COLEC11: variants seen among roughly 807,000 people sequenced by gnomAD.
The protein encoded by COLEC11 is collectin-11.
Under a neutral mutation model 27.3 loss-of-function variants are expected in COLEC11, and 20 were observed. The ratio of observed to expected loss-of-function variants is 0.73; its 90% confidence interval spans 0.51 to 1.06. The LOEUF is 1.06. Ranked by LOEUF, COLEC11 falls within the 50% of genes least tolerant of loss-of-function variation. COLEC11 has a pLI of 0.00. For synonymous variants in COLEC11, 163 were observed against 154.7 expected, an observed-to-expected ratio of 1.05 and a Z score of -0.40; for missense variants, 310 against 383.0, an observed-to-expected ratio of 0.81 and a Z score of 1.59.
At chr2:3,633,095 G>A (rs1665131772) in intron 3 of COLEC11, among the ~76,000 whole-genome samples, 1 of 152,234 alleles carries the variant, frequency 6.6e-6, no homozygotes, top group Admixed American at 6.5e-5. Flanking sequence ...CAGTGACAGG[G>A]AGAGAGAAGC....
intron 1 of COLEC11, chr2:3,604,044 G>A: frequency 3.5e-6 from 2 of 578,988 alleles, no homozygotes; most frequent in East Asian, 2.9e-5. Context: ...GAACTCCTTG[G>A]GGTGGGCGAG....
intron 3 of COLEC11, among the ~76,000 whole-genome samples, chr2:3,636,239 G>A (rs924998469): frequency 1.3e-4 from 20 of 152,116 alleles, no homozygotes; most frequent in African/African-American, 2.9e-4. Context: ...GATGGATCAC[G>A]CAGTCAGGAG....
At chr2:3,605,034 G>A (rs1421221439) in intron 2 of COLEC11, 3 of 470,914 alleles carry the variant, frequency 6.4e-6, no homozygotes, top group Non-Finnish European at 1.3e-5. Context: ...GTGAGGCATG[G>A]GTGAGAAAGT....
At chr2:3,612,646 G>A (rs757484501) in intron 2 of COLEC11, among the ~76,000 whole-genome samples, 18 of 152,164 alleles carry the variant, frequency 1.2e-4, no homozygotes, top group Non-Finnish European at 1.9e-4. Flanking sequence ...GAGTGGAGGT[G>A]TTGGTGTCCA....
chr2:3,605,205 C>A, intron 2 of COLEC11: 2 of 441,434 alleles, frequency 4.5e-6, no homozygotes, highest in South Asian at 3.3e-5. Flanking sequence ...CAAGAAGGGA[C>A]AGCAGAGTGT....
At chr2:3,599,204 G>A (rs1662056956) in intron 1 of COLEC11, among the ~76,000 whole-genome samples, 1 of 152,124 alleles carries the variant, frequency 6.6e-6, no homozygotes, top group African/African-American at 2.4e-5. Flanking sequence ...TCTGTGCAGT[G>A]TATGGGAGTT....
intron 1 of COLEC11, among the ~76,000 whole-genome samples, chr2:3,598,795 C>A (rs1371769228): frequency 1.3e-5 from 2 of 150,788 alleles, no homozygotes; most frequent in African/African-American, 2.5e-5. Flanking sequence ...GAGTGCCCAG[C>A]TGCGTGGCCT....
intron 3 of COLEC11, among the ~76,000 whole-genome samples, chr2:3,618,636 C>G (rs1253305256): frequency 6.6e-6 from 1 of 152,092 alleles, no homozygotes; most frequent in Non-Finnish European, 1.5e-5. Flanking sequence ...CTTTGTTTTT[C>G]TTGCTTAAGG....
chr2:3,641,922 G>A (rs1665897150), intron 5 of COLEC11, among the ~76,000 whole-genome samples: 1 of 152,212 alleles, frequency 6.6e-6, no homozygotes, highest in Admixed American at 6.5e-5. Flanking sequence ...TGCTGGGCAG[G>A]CCCAGGCTCC....
intron 1 of COLEC11, among the ~76,000 whole-genome samples, chr2:3,599,552 T>G (rs1201884635): frequency 6.6e-6 from 1 of 152,226 alleles, no homozygotes; most frequent in Non-Finnish European, 1.5e-5. Flanking sequence ...CCACACGCAT[T>G]AATTACCGCT....
intron 2 of COLEC11, among the ~76,000 whole-genome samples, chr2:3,606,963 A>G (rs1662754287): frequency 6.6e-6 from 1 of 152,226 alleles, no homozygotes; most frequent in Non-Finnish European, 1.5e-5. Context: ...AGAATCCACC[A>G]GGCAGGCTCA....
At chr2:3,617,945 G>T (rs1275455745) in intron 3 of COLEC11, among the ~76,000 whole-genome samples, 1 of 152,198 alleles carries the variant, frequency 6.6e-6, no homozygotes, top group Admixed American at 6.5e-5. Flanking sequence ...GATAATTGAT[G>T]ATGTTGACCA....
intron 3 of COLEC11, among the ~76,000 whole-genome samples, chr2:3,624,617 C>CACAGTTGCTCAGCTT (rs1173901688): frequency 6.6e-6 from 1 of 152,180 alleles, no homozygotes; most frequent in East Asian, 1.9e-4. Context: ...TTGCTCAGCT[C>CACAGTTGCTCAGCTT]ACAGTTGCTC....
chr2:3,603,571 C>G (rs1662398403), intron 1 of COLEC11: 6 of 1,424,334 alleles, frequency 4.2e-6, no homozygotes, highest in Non-Finnish European at 4.8e-6. Flanking sequence ...CCCACCTCAG[C>G]CTCCCAAAGT....
intron 3 of COLEC11, among the ~76,000 whole-genome samples, chr2:3,615,967 C>T (rs1321003198): frequency 7.9e-5 from 12 of 151,214 alleles, no homozygotes; most frequent in East Asian, 7.9e-4. Context: ...CCAGACGGGG[C>T]GGCTGCTGGG....
intron 3 of COLEC11, among the ~76,000 whole-genome samples, chr2:3,613,974 T>A (rs1663448024): frequency 1.1e-5 from 1 of 92,418 alleles, no homozygotes. Context: ...TTTTCTTTCT[T>A]TCTTTCTTTT....
At position 3,606,541 on chromosome 2, in the gene COLEC11, G is replaced by T. The variant is rs1662715754; in HGVS notation, c.130+2071G>T. On this transcript the variant is annotated intron_variant, in intron 2 of 6. Coordinates refer to ENST00000349077, the MANE Select transcript of COLEC11 (RefSeq NM_024027.5). ...GCGATGCCAGCTTGGGGCTCTGTGG[G>T]GATGCAGTGGTGGCACCAGGAGTGG... is the stretch of plus-strand genomic sequence containing the variant. Among the ~76,000 whole-genome samples, 1 of 152,200 alleles carries T rather than the reference G, an allele frequency of 6.6e-6. No homozygotes were observed. The highest frequency in any genetic ancestry group is 1.5e-5 in the Non-Finnish European group (1 of 68,026).
At chr2:3,641,990 G>A (rs970275514) in intron 5 of COLEC11, among the ~76,000 whole-genome samples, 2 of 152,214 alleles carry the variant, frequency 1.3e-5, no homozygotes, top group African/African-American at 4.8e-5. Context: ...CCACGGAGGC[G>A]ATGACCAGGT....
intron 4 of COLEC11, among the ~76,000 whole-genome samples, chr2:3,639,584 A>G (rs996470217): frequency 6.6e-6 from 1 of 152,214 alleles, no homozygotes; most frequent in Non-Finnish European, 1.5e-5. Context: ...GAATAAAGAG[A>G]ATGCATTAGA....
Sources: gnomAD v4.1 joint callset for allele counts (sites outside exome capture counted in the v4.1 genomes callset) on GRCh38, gnomAD v4.1.1 for gene constraint, MANE v1.5 for transcripts, NCBI Gene and HGNC (gene_info 2026-07-23, HGNC 2026-07-21) for gene names.